The following ZNF385D variants were observed in gnomAD, a reference collection of about 807,000 sequenced individuals.
The protein encoded by ZNF385D is zinc finger protein 659.
In ZNF385D, 15 loss-of-function variants were observed where a neutral mutation model predicts 35.8. The ratio of observed to expected loss-of-function variants is 0.42; its 90% confidence interval spans 0.28 to 0.64. ZNF385D has a LOEUF of 0.64. ZNF385D is among the 30% of genes least tolerant of loss of function. ZNF385D has a pLI of 0.23. For synonymous variants in ZNF385D, 212 were observed against 186.8 expected (o/e 1.13, Z -1.10); for missense variants, 474 against 494.6 (o/e 0.96, Z 0.39).
chr3:22,345,795 C>T (rs1695631527), intron 2 of ZNF385D, among the ~76,000 whole-genome samples: 3 of 152,128 alleles, frequency 2.0e-5, no homozygotes, highest in Non-Finnish European at 2.9e-5. Flanking sequence ...AGTCCAAGAT[C>T]ATGTCCCTTT....
intron 3 of ZNF385D, among the ~76,000 whole-genome samples, chr3:22,115,009 T>A (rs564253122): frequency 1.3e-5 from 2 of 152,040 alleles, no homozygotes; most frequent in South Asian, 4.1e-4. Context: ...AAGAAATCAA[T>A]CTCTTCTCTT....
chr3:22,244,319 G>T lies in ZNF385D; in HGVS notation c.107-75284C>A, dbSNP rs114341982. ...GGAGAGTTTTAAGATAAACTCTCTCGCTCTTACTTAGCTTTGAAGCAAAGT... is the reference window on the plus strand; with the variant it reads ...GGAGAGTTTTAAGATAAACTCTCTCTCTCTTACTTAGCTTTGAAGCAAAGT... On this transcript the variant is annotated intron_variant, in intron 2 of 5. Coordinates refer to the ZNF385D transcript ENST00000494108. 6.3e-5 allele frequency among the ~76,000 whole-genome samples: 8 copies of T among 126,998 alleles called. 1 individual carries two copies. Among genetic ancestry groups the T allele is most frequent in the African/African-American group, 2.1e-4 (7 of 33,460 alleles). The allele number at this position is 126,998 out of a possible 152,430, so 83.3% of individuals were successfully genotyped here.
intron 3 of ZNF385D, among the ~76,000 whole-genome samples, chr3:22,086,700 T>C (rs867938504): frequency 1.3e-5 from 2 of 152,116 alleles, no homozygotes; most frequent in Non-Finnish European, 2.9e-5. Context: ...CCATCAATGA[T>C]AGACTGGATT....
At chr3:22,269,092 GAACA>G (rs747290923) in intron 2 of ZNF385D, among the ~76,000 whole-genome samples, 35 of 151,894 alleles carry the variant, frequency 2.3e-4, no homozygotes, top group African/African-American at 5.8e-4. Context: ...ATAAACAAAT[GAACA>G]AACAAACAAA....
At chr3:21,619,966 A>G (rs2064956209) in intron 2 of ZNF385D, among the ~76,000 whole-genome samples, 1 of 152,144 alleles carries the variant, frequency 6.6e-6, no homozygotes, top group South Asian at 2.1e-4. Flanking sequence ...TTGGGCATGA[A>G]GAGGGTACTG....
intron 3 of ZNF385D, among the ~76,000 whole-genome samples, chr3:22,077,286 T>C (rs754591493): frequency 7.2e-5 from 11 of 151,950 alleles, no homozygotes; most frequent in Non-Finnish European, 1.3e-4. Flanking sequence ...ATACAGAATT[T>C]TGGTTAAATT....
At chr3:22,164,214 C>G (rs1452263358) in intron 3 of ZNF385D, among the ~76,000 whole-genome samples, 3 of 108,386 alleles carry the variant, frequency 2.8e-5, no homozygotes, top group African/African-American at 1.1e-4. Flanking sequence ...ACAAAAGGAG[C>G]ACTTTTTTTT....
At chr3:22,178,022 G>T (rs991701316) in intron 2 of ZNF385D, among the ~76,000 whole-genome samples, 1 of 152,116 alleles carries the variant, frequency 6.6e-6, no homozygotes, top group Non-Finnish European at 1.5e-5. Context: ...CTTTGCTATT[G>T]TGAATACTGC....
intron 3 of ZNF385D, among the ~76,000 whole-genome samples, chr3:21,934,344 T>C (rs1371944612): frequency 6.6e-6 from 1 of 152,206 alleles, no homozygotes; most frequent in Non-Finnish European, 1.5e-5. Flanking sequence ...TATGCTTTTA[T>C]GTAAACACTC....
At chr3:21,656,472 G>A (rs2066074849) in intron 2 of ZNF385D, among the ~76,000 whole-genome samples, 1 of 151,818 alleles carries the variant, frequency 6.6e-6, no homozygotes, top group Admixed American at 6.6e-5. Context: ...TTCCTTCAAT[G>A]CAAGTCTCTG....
At chr3:21,710,213 G>A (rs2068049943) in intron 1 of ZNF385D, among the ~76,000 whole-genome samples, 1 of 152,198 alleles carries the variant, frequency 6.6e-6, no homozygotes, top group South Asian at 2.1e-4. Context: ...TTTGATTGAT[G>A]TGGTAGTGGT....
chr3:21,771,273 T>C lies in ZNF385D; in HGVS notation c.326-106245A>G, dbSNP rs540459248. Reference sequence around the variant, plus strand: ...AAAAAACCTGAGGAAGCCTTAAATGTACACCTCTGGTTGATCCTTGGCACA... The same window carrying C: ...AAAAAACCTGAGGAAGCCTTAAATGCACACCTCTGGTTGATCCTTGGCACA... On this transcript the variant is annotated intron_variant, in intron 3 of 5. Coordinates refer to the ZNF385D transcript ENST00000494108. 7.3e-5 allele frequency among the ~76,000 whole-genome samples: 11 copies of C among 150,410 alleles called. No individual in the cohort carries two copies. In the South Asian group the frequency reaches 2.3e-3, roughly 32 times the overall value.
At chr3:21,723,522 G>T (rs1331298504) in intron 1 of ZNF385D, among the ~76,000 whole-genome samples, 1 of 152,096 alleles carries the variant, frequency 6.6e-6, no homozygotes, top group Admixed American at 6.5e-5. Context: ...ATATCAAATA[G>T]CCGAATTTAT....
intron 3 of ZNF385D, among the ~76,000 whole-genome samples, chr3:22,167,742 T>A (rs1706430513): frequency 6.6e-6 from 1 of 152,230 alleles, no homozygotes; most frequent in African/African-American, 2.4e-5. Context: ...TAGGTTTATC[T>A]TATGCCTATA....
intron 1 of ZNF385D, among the ~76,000 whole-genome samples, chr3:21,691,150 T>C (rs1319896870): frequency 1.3e-5 from 2 of 152,124 alleles, no homozygotes; most frequent in South Asian, 4.1e-4. Flanking sequence ...TCTTTAACTT[T>C]TGACCGCAGC....
intron 1 of ZNF385D, among the ~76,000 whole-genome samples, chr3:21,721,265 C>G (rs1042528885): frequency 2.6e-5 from 4 of 152,008 alleles, no homozygotes; most frequent in Non-Finnish European, 5.9e-5. Flanking sequence ...ATTTAAGATT[C>G]TTACCTTCAG....
rs556355910 is a variant in ZNF385D, at chr3:22,290,950, C to T, written c.106+81500G>A. ...TTTTTGTGTGCTTTTCCTTGTTGTGCGGGCATGAGGAACAAGAGACTGCTC... is the reference window on the plus strand; with the variant it reads ...TTTTTGTGTGCTTTTCCTTGTTGTGTGGGCATGAGGAACAAGAGACTGCTC... On this transcript the variant is annotated intron_variant, in intron 2 of 5. Coordinates refer to the ZNF385D transcript ENST00000494108. 3.7e-3 allele frequency among the ~76,000 whole-genome samples: 560 copies of T among 152,056 alleles called. 4 individuals carry two copies. Among genetic ancestry groups the T allele is most frequent in the African/African-American group, 0.011 (473 of 41,464 alleles).
chr3:21,482,681 A>G (rs1277429766), intron 4 of ZNF385D, among the ~76,000 whole-genome samples: 1 of 152,164 alleles, frequency 6.6e-6, no homozygotes, highest in Non-Finnish European at 1.5e-5. Flanking sequence ...CTAGACATCA[A>G]ATTAGGTCAA....
intron 2 of ZNF385D, among the ~76,000 whole-genome samples, chr3:21,652,373 A>G (rs2065942814): frequency 6.6e-6 from 1 of 152,208 alleles, no homozygotes; most frequent in African/African-American, 2.4e-5. Flanking sequence ...GATAATACAA[A>G]CAAGTGTCTG....
Sources: allele counts gnomAD v4.1 joint callset (sites outside exome capture counted in the v4.1 genomes callset), GRCh38; gene constraint gnomAD v4.1.1; transcripts MANE v1.5; gene names NCBI Gene and HGNC (gene_info 2026-07-23, HGNC 2026-07-21).